The following AMMECR1 variants were observed in gnomAD, a reference collection of about 807,000 sequenced individuals.
AMMECR1 encodes AMMECR nuclear protein 1.
Under a neutral mutation model 22.5 loss-of-function variants are expected in AMMECR1, and 3 were observed. That is an observed-to-expected ratio of 0.13 (90% CI 0.06 to 0.35). The LOEUF (loss-of-function observed/expected upper bound fraction) is 0.35. Among genes scored for constraint, AMMECR1 ranks in the 10% least tolerant of loss-of-function variants. The pLI is 1.00. For synonymous variants in AMMECR1, 130 were observed against 116.7 expected, an observed-to-expected ratio of 1.11 and a Z score of -0.74; for missense variants, 235 against 278.7, an observed-to-expected ratio of 0.84 and a Z score of 1.12.
rs559482387 is a variant in AMMECR1, at chrX:110,235,845, C to T, written c.585-19213G>A. ...GGGGGCTGGCAGAGGGATAGCATTA[C>T]GAGAAATACCTAATGCAAATGATGA... On this transcript the variant is annotated intron_variant, in intron 2 of 5. Coordinates refer to ENST00000262844, the MANE Select transcript of AMMECR1 (RefSeq NM_015365.3). Among the ~76,000 whole-genome samples, 15 of 110,978 alleles carry T rather than the reference C, an allele frequency of 1.4e-4. 1 individual carries two copies. In the South Asian group the frequency reaches 2.3e-3, roughly 17 times the overall value.
At chrX:110,292,355 TTC>T (rs2148213528) in intron 1 of AMMECR1, among the ~76,000 whole-genome samples, 1 of 111,467 alleles carries the variant, frequency 9.0e-6, no homozygotes, top group Non-Finnish European at 1.9e-5. Context: ...ATCATGCTCC[TTC>T]GTATTTACCC....
chrX:110,236,781 T>C (rs1177757267), intron 2 of AMMECR1, among the ~76,000 whole-genome samples: 4 of 112,474 alleles, frequency 3.6e-5, no homozygotes, highest in African/African-American at 1.3e-4. Context: ...ATTCAAAATA[T>C]CCTTTTAAAC....
chrX:110,203,090 C>T (rs1346283107), intron 3 of AMMECR1, among the ~76,000 whole-genome samples: 1 of 112,110 alleles, frequency 8.9e-6, no homozygotes, highest in African/African-American at 3.2e-5. Flanking sequence ...ACATCATCAC[C>T]CAGTGTAGAC....
chrX:110,252,360 A>T (rs1245232908), intron 2 of AMMECR1, among the ~76,000 whole-genome samples: 2 of 111,412 alleles, frequency 1.8e-5, no homozygotes, highest in Non-Finnish European at 3.8e-5. Flanking sequence ...AGGCTGGAGG[A>T]TTGTTTGAGC....
At chrX:110,385,517 C>T (rs2068449137) in intron 2 of AMMECR1, among the ~76,000 whole-genome samples, 1 of 111,530 alleles carries the variant, frequency 9.0e-6, no homozygotes, top group Non-Finnish European at 1.9e-5. Context: ...ATCCCTGAAG[C>T]TCCCTCTCCC....
intron 1 of AMMECR1, among the ~76,000 whole-genome samples, chrX:110,432,927 G>A (rs768237770): frequency 8.0e-5 from 9 of 112,813 alleles, no homozygotes; most frequent in Non-Finnish European, 1.3e-4. Context: ...TGAGGACCCT[G>A]TGGTTCAGGG....
chrX:110,359,672 T>C (rs1178294511), intron 2 of AMMECR1, among the ~76,000 whole-genome samples: 2 of 111,856 alleles, frequency 1.8e-5, no homozygotes, highest in Non-Finnish European at 3.8e-5. Flanking sequence ...ACTGAGTGTC[T>C]TACTGTATGG....
intron 2 of AMMECR1, among the ~76,000 whole-genome samples, chrX:110,413,317 GCGCCCTCTAGTGGACA>G (rs2068654375): frequency 9.0e-6 from 1 of 111,396 alleles, no homozygotes; most frequent in East Asian, 2.8e-4. Context: ...TTTGCCACCA[GCGCCCTCTAGTGGACA>G]CTGTCCACAC....
chrX:110,295,705 G>A (rs1165499349), intron 1 of AMMECR1, among the ~76,000 whole-genome samples: 2 of 111,431 alleles, frequency 1.8e-5, no homozygotes, highest in East Asian at 5.6e-4. Flanking sequence ...ATTCTAGTTT[G>A]AGTCACTTTC....
chrX:110,362,152 T>C (rs2068268201), intron 2 of AMMECR1, among the ~76,000 whole-genome samples: 1 of 111,854 alleles, frequency 8.9e-6, no homozygotes. Context: ...AATATATATA[T>C]ATAACAGAGC....
chrX:110,374,550 G>A (rs781403660), intron 2 of AMMECR1, among the ~76,000 whole-genome samples: 2 of 111,961 alleles, frequency 1.8e-5, no homozygotes, highest in South Asian at 3.7e-4. Context: ...ATGAAAGGCT[G>A]TCAAATGAGG....
chrX:110,330,630 A>G (rs1158938837), intron 2 of AMMECR1, among the ~76,000 whole-genome samples: 3 of 111,790 alleles, frequency 2.7e-5, no homozygotes, highest in Admixed American at 9.5e-5. Flanking sequence ...ATTATATTTC[A>G]CAGAAGTACC....
Position 110,272,001 on chromosome X carries a change from G to A in AMMECR1, c.474-7402C>T, listed in dbSNP as rs933851795. 2.7e-5 allele frequency among the ~76,000 whole-genome samples: 3 copies of A among 110,803 alleles called. No individual in the cohort carries two copies. In the Admixed American group the frequency reaches 2.9e-4, roughly 11 times the overall value. ...GAGGCCAAAGCGGGCTGATCACGAG[G>A]TCAGGAGATCGAGACCATCCTGGCT... is the stretch of plus-strand genomic sequence containing the variant. On this transcript the variant is annotated intron_variant, in intron 1 of 5. Transcript: ENST00000262844.
chrX:110,319,139 T>C (rs2068069208), upstream of AMMECR1, among the ~76,000 whole-genome samples: 1 of 112,523 alleles, frequency 8.9e-6, no homozygotes, highest in South Asian at 3.7e-4. Context: ...AATGCTTGGA[T>C]GGATGAGGAG....
chrX:110,426,579 G>T (rs1384379599), intron 2 of AMMECR1: 1 of 112,186 alleles, frequency 8.9e-6, no homozygotes, highest in Non-Finnish European at 1.9e-5. Flanking sequence ...GAGACATGGC[G>T]TCTGAATATT....
chrX:110,267,056 T>C (rs2067773493), intron 1 of AMMECR1, among the ~76,000 whole-genome samples: 1 of 111,975 alleles, frequency 8.9e-6, no homozygotes. Flanking sequence ...CCATGGTGTA[T>C]ATGTGCCATA....
intron 2 of AMMECR1, among the ~76,000 whole-genome samples, chrX:110,360,465 A>G (rs1419171126): frequency 2.7e-5 from 3 of 111,631 alleles, no homozygotes; most frequent in Non-Finnish European, 5.6e-5. Flanking sequence ...AGGTGATGTT[A>G]TCTTGAACTA....
chrX:110,353,232 G>C (rs2068217610), intron 2 of AMMECR1, among the ~76,000 whole-genome samples: 1 of 111,689 alleles, frequency 9.0e-6, no homozygotes, highest in Non-Finnish European at 1.9e-5. Flanking sequence ...CTGGCTAACA[G>C]TTTGTCAATT....
intron 1 of AMMECR1, among the ~76,000 whole-genome samples, chrX:110,271,575 T>G (rs1032156903): frequency 9.0e-6 from 1 of 111,336 alleles, no homozygotes; most frequent in African/African-American, 3.3e-5. Flanking sequence ...TCAACAATTT[T>G]CAGCAAACGA....
Sources: gnomAD v4.1 joint callset for allele counts (sites outside exome capture counted in the v4.1 genomes callset) on GRCh38, gnomAD v4.1.1 for gene constraint, MANE v1.5 for transcripts, NCBI Gene and HGNC (gene_info 2026-07-23, HGNC 2026-07-21) for gene names.